The following ACACA variants were observed in gnomAD, a reference collection of about 807,000 sequenced individuals.
ACACA encodes the protein acetyl-CoA carboxylase alpha, also known as acetyl-CoA carboxylase 1.
A neutral mutation model predicts 296.1 loss-of-function variants in ACACA; 103 were observed. The observed-to-expected ratio is 0.35, with a 90% CI of 0.30 to 0.41. The LOEUF (loss-of-function observed/expected upper bound fraction) is 0.41. Among genes scored for constraint, ACACA ranks in the 10% least tolerant of loss-of-function variants. ACACA has a pLI of 1.00. For missense variants in ACACA, 1,554 were observed against 2,989.7 expected (o/e 0.52, Z 11.20); for synonymous variants, 953 against 1,038.6 (o/e 0.92, Z 1.58).
intron 52 of ACACA, among the ~76,000 whole-genome samples, chr17:37,098,774 C>G (rs2073146739): frequency 6.6e-6 from 1 of 152,176 alleles, no homozygotes; most frequent in Non-Finnish European, 1.5e-5. Flanking sequence ...GATCACTGCG[C>G]ACGGTACCCT....
At chr17:37,149,610 A>C (rs1283498684) in intron 45 of ACACA, among the ~76,000 whole-genome samples, 2 of 152,268 alleles carry the variant, frequency 1.3e-5, no homozygotes, top group Non-Finnish European at 2.9e-5. Context: ...GTTCACTAAC[A>C]TATACACAGG....
At chr17:37,269,798 G>T (rs1214233809) in intron 10 of ACACA, among the ~76,000 whole-genome samples, 1 of 150,728 alleles carries the variant, frequency 6.6e-6, no homozygotes, top group Admixed American at 6.6e-5. Context: ...AGGTAGCATG[G>T]CACACTAGTA....
chr17:37,399,804 G>A (rs565908233), intron 1 of ACACA, among the ~76,000 whole-genome samples: 13 of 152,136 alleles, frequency 8.5e-5, no homozygotes, highest in African/African-American at 2.9e-4. Context: ...AATAATGAGA[G>A]TCAGTTTATT....
At chr17:37,390,175 T>TATATATATATACACACACACAC (rs60788220) in intron 1 of ACACA, among the ~76,000 whole-genome samples, 1 of 44,512 alleles carries the variant, frequency 2.2e-5, no homozygotes, top group African/African-American at 1.2e-4. Flanking sequence ...TATATATATA[T>TATATATATATACACACACACAC]ACACACACAC....
chr17:37,284,776 A>AT, intron 4 of ACACA, 62 bp downstream of exon 4: 11 of 1,609,006 alleles, frequency 6.8e-6, no homozygotes, highest in Non-Finnish European at 9.4e-6. Flanking sequence ...TAGACAACAA[A>AT]TCTAGGCAAG....
At chr17:37,159,414 A>G (rs1043278490) in intron 42 of ACACA, among the ~76,000 whole-genome samples, 3 of 151,664 alleles carry the variant, frequency 2.0e-5, no homozygotes, top group Admixed American at 1.3e-4. Context: ...TAGAGATGGT[A>G]TTTCGCTATG....
intron 52 of ACACA, among the ~76,000 whole-genome samples, chr17:37,110,664 T>C (rs994229310): frequency 6.6e-6 from 1 of 152,202 alleles, no homozygotes; most frequent in Admixed American, 6.5e-5. Context: ...CCACAAATGG[T>C]ACTTTATTAA....
At chr17:37,371,303 T>C (rs923038761) in intron 1 of ACACA, among the ~76,000 whole-genome samples, 6 of 151,960 alleles carry the variant, frequency 3.9e-5, no homozygotes, top group African/African-American at 1.4e-4. Flanking sequence ...TGTCTTGAAC[T>C]CCTGACCTCA....
rs2145817981 is a variant in ACACA, at chr17:37,232,308, A to G, written c.3246+2667T>C. The stretch of plus-strand genomic sequence containing the variant: ...CAGAGAATGGAATACTGGGCACATA[A>G]CCATCAATCAGGAAGCCAAGATATG... On this transcript the variant is annotated intron_variant, in intron 25 of 55. Transcript: ENST00000616317. Among the ~76,000 whole-genome samples, 2 of 152,342 alleles carry G rather than the reference A, an allele frequency of 1.3e-5. 1 individual carries two copies. Among genetic ancestry groups the G allele is most frequent in the South Asian group, 4.1e-4 (2 of 4,826 alleles).
intron 1 of ACACA, among the ~76,000 whole-genome samples, chr17:37,349,180 C>T (rs2048773014): frequency 6.6e-6 from 1 of 150,428 alleles, no homozygotes; most frequent in African/African-American, 2.4e-5. Context: ...CGTGCCTCAG[C>T]CTCCCAAGTA....
chr17:37,142,451 G>T (rs921846295), intron 45 of ACACA, among the ~76,000 whole-genome samples: 2 of 152,196 alleles, frequency 1.3e-5, no homozygotes, highest in African/African-American at 4.8e-5. Context: ...GTGTGGGGAG[G>T]GAGCGCTTGA....
In ACACA at chr17:37,113,368, C is replaced by A; in HGVS notation, c.6275-103G>T. 1 of 1,249,126 alleles carries A rather than the reference C, an allele frequency of 8.0e-7. No homozygotes were observed. Among genetic ancestry groups the A allele is most frequent in the East Asian group, 2.5e-5 (1 of 39,726 alleles). 77.4% of individuals were successfully genotyped at this position (1,249,126 alleles called of 1,614,324 possible). Reference sequence around the variant, plus strand: ...TCTGGCCACGAAGAGCCTCCTTATACTATGCCTCCTGTTTGGCCACCCTAT... The same window carrying A: ...TCTGGCCACGAAGAGCCTCCTTATAATATGCCTCCTGTTTGGCCACCCTAT... On this transcript the variant is annotated intron_variant, in intron 50 of 55. Transcript: ENST00000616317. The surrounding 1 kb of genome is among the most constrained non-coding windows in gnomAD (Gnocchi z 4.0).
chr17:37,389,913 T>C (rs1321456447), intron 1 of ACACA, among the ~76,000 whole-genome samples: 1 of 150,264 alleles, frequency 6.7e-6, no homozygotes, highest in East Asian at 2.0e-4. Flanking sequence ...TACAATAGGG[T>C]GCTTATTGAA....
intron 1 of ACACA, among the ~76,000 whole-genome samples, chr17:37,342,456 T>TAC (rs2048427596): frequency 1.9e-5 from 2 of 107,560 alleles, no homozygotes; most frequent in African/African-American, 4.3e-5. Context: ...TATATATATA[T>TAC]ATACACACAC....
At chr17:37,125,597 A>G in intron 48 of ACACA, 101 bp downstream of exon 48, 2 of 1,094,496 alleles carry the variant, frequency 1.8e-6, no homozygotes, top group South Asian at 2.7e-5. Flanking sequence ...GACAGTTCAG[A>G]CAAAGAGAAC....
At chr17:37,265,719 T>C (rs2081735392) in intron 10 of ACACA, among the ~76,000 whole-genome samples, 1 of 152,198 alleles carries the variant, frequency 6.6e-6, no homozygotes, top group African/African-American at 2.4e-5. Context: ...CATTTTGTTT[T>C]GTTTTGTTTT....
At chr17:37,114,660 C>G (rs1242623299) in intron 50 of ACACA, among the ~76,000 whole-genome samples, 1 of 152,080 alleles carries the variant, frequency 6.6e-6, no homozygotes, top group Admixed American at 6.5e-5. Context: ...ATTTATTTCC[C>G]AACTTTTTAT....
At chr17:37,335,183 C>T (rs1568012528) in intron 2 of ACACA, among the ~76,000 whole-genome samples, 1 of 152,132 alleles carries the variant, frequency 6.6e-6, no homozygotes, top group Non-Finnish European at 1.5e-5. Context: ...TTTAATACCA[C>T]CCTGACTGGG....
chr17:37,263,720 T>C lies in ACACA; in HGVS notation c.1294A>G (p.Ile432Val), dbSNP rs2081619434. The C allele has an allele frequency of 6.2e-7, 1 of 1,614,098 alleles. No homozygotes were observed. Among genetic ancestry groups the C allele is most frequent in the Non-Finnish European group, 8.5e-7 (1 of 1,179,982 alleles). ...QKIIEEAPAT[I>V]ATPAVFEHME... ...TGTTCAAATACTGCTGGAGTAGCAATAGTAGCAGGTGCTTCTTCAATAATC... is the reference window on the plus strand; with the variant it reads ...TGTTCAAATACTGCTGGAGTAGCAACAGTAGCAGGTGCTTCTTCAATAATC... Residue 432 changes from isoleucine to valine, a missense_variant, in exon 11 of 56, where the codon ATT becomes GTT. Coordinates refer to ENST00000616317, the MANE Select transcript of ACACA (RefSeq NM_198834.3).
Sources: allele counts gnomAD v4.1 joint callset (sites outside exome capture counted in the v4.1 genomes callset), GRCh38; gene constraint gnomAD v4.1.1; non-coding constraint Gnocchi (gnomAD v3.1); transcripts MANE v1.5; gene names NCBI Gene and HGNC (gene_info 2026-07-23, HGNC 2026-07-21).